TLL1: variants seen among roughly 807,000 people sequenced by gnomAD.
TLL1 encodes tolloid-like protein 1.
Under a neutral mutation model 128.2 loss-of-function variants are expected in TLL1, and 49 were observed. That is an observed-to-expected ratio of 0.38 (90% CI 0.30 to 0.48). The LOEUF is 0.48. TLL1 is among the 20% of genes least tolerant of loss of function. The pLI is 0.96. For missense variants in TLL1, 1,123 were observed against 1,242.0 expected, an observed-to-expected ratio of 0.90 and a Z score of 1.44; for synonymous variants, 454 against 418.8, an observed-to-expected ratio of 1.08 and a Z score of -1.03.
intron 1 of TLL1, among the ~76,000 whole-genome samples, chr4:165,979,713 A>G (rs1057392930): frequency 1.3e-5 from 2 of 152,084 alleles, no homozygotes; most frequent in Admixed American, 1.3e-4. Context: ...TCTTGAGCCC[A>G]AGGAATTTGA....
At chr4:165,940,107 A>G (rs1045667652) in intron 1 of TLL1, among the ~76,000 whole-genome samples, 9 of 151,944 alleles carry the variant, frequency 5.9e-5, no homozygotes, top group African/African-American at 2.2e-4. Flanking sequence ...TATCACATCT[A>G]GCATTGACCT....
At chr4:166,048,879 C>A (rs1393995053) in intron 12 of TLL1, among the ~76,000 whole-genome samples, 1 of 152,204 alleles carries the variant, frequency 6.6e-6, no homozygotes, top group African/African-American at 2.4e-5. Flanking sequence ...TACCGTTAAC[C>A]ACCACAGCTG....
intron 12 of TLL1, among the ~76,000 whole-genome samples, chr4:166,043,943 T>C (rs1269473654): frequency 6.6e-6 from 1 of 152,130 alleles, no homozygotes; most frequent in Non-Finnish European, 1.5e-5. Flanking sequence ...TGTTATTAGA[T>C]GACGGGTCAG....
Position 165,965,667 on chromosome 4 carries a change from G to A in TLL1, c.170-23714G>A, listed in dbSNP as rs567106285. On this transcript the variant is annotated intron_variant, in intron 1 of 20. Coordinates refer to ENST00000061240, the MANE Select transcript of TLL1 (RefSeq NM_012464.5). Reference sequence around the variant, plus strand: ...GGCACCTTCATGTCAGCATAGATACGTATTCCTGCAGTTTCCAATAACGTT... The same window carrying A: ...GGCACCTTCATGTCAGCATAGATACATATTCCTGCAGTTTCCAATAACGTT... Among the ~76,000 whole-genome samples, 8 of 152,292 alleles carry A rather than the reference G, an allele frequency of 5.3e-5. No homozygotes were observed. The South Asian group carries it at 6.2e-4, about 12-fold the overall frequency.
At chr4:165,925,111 C>T (rs1188810205) in intron 1 of TLL1, among the ~76,000 whole-genome samples, 1 of 152,216 alleles carries the variant, frequency 6.6e-6, no homozygotes, top group Non-Finnish European at 1.5e-5. Flanking sequence ...TTTCACACTG[C>T]TAACACAACA....
chr4:165,897,118 T>A (rs2110843633), intron 1 of TLL1, among the ~76,000 whole-genome samples: 1 of 152,328 alleles, frequency 6.6e-6, no homozygotes, highest in South Asian at 2.1e-4. Context: ...TTTAAGTTGC[T>A]TGTAGATTCT....
Position 165,992,837 on chromosome 4 carries a change from G to C in TLL1, c.314G>C (p.Arg105Pro). Residue 105 changes from arginine (R) to proline (P), a missense_variant, in exon 3 of 21, where the codon CGA (arginine) becomes CCA (proline). By Grantham distance (103) the Arg-to-Pro change is moderately radical. Transcript: ENST00000061240. ...GGAGACCATGCTATGTCAAAGAAGCGAGGGGCCCTCTACCAACTTATAGAC... is the reference window on the plus strand; with the variant it reads ...GGAGACCATGCTATGTCAAAGAAGCCAGGGGCCCTCTACCAACTTATAGAC... ...GLGDHAMSKK[R>P]GALYQLIDRI... The C allele has an allele frequency of 6.2e-7, 1 of 1,613,304 alleles. No individual in the cohort carries two copies. The highest frequency in any genetic ancestry group is 8.5e-7 in the Non-Finnish European group (1 of 1,179,448).
Position 166,025,381 on chromosome 4 carries a change from C to T in TLL1, c.1108C>T (p.Pro370Ser). ...CTCTCCAGGATTTCCCAATGGCTACCCTTCTTACACACACTGCATCTGGAG... is the reference window on the plus strand; with the variant it reads ...CTCTCCAGGATTTCCCAATGGCTACTCTTCTTACACACACTGCATCTGGAG... ...LSSPGFPNGY[P>S]SYTHCIWRVS... The change falls in exon 9 of 21, where the codon CCT becomes TCT. Residue 370 changes from proline to serine, a missense_variant. Pro to Ser is a moderately conservative substitution (Grantham distance 74). Around this residue, in one of 3 missense-constraint regions of TLL1, gnomAD observed 480 missense variants for 542.4 expected, o/e 0.89. Transcript: ENST00000061240. The T allele has an allele frequency of 5.6e-6, 9 of 1,613,950 alleles. No individual in the cohort carries two copies. The highest frequency in any genetic ancestry group is 7.6e-6 in the Non-Finnish European group (9 of 1,179,930).
intron 8 of TLL1, 117 bp from the exon 9 acceptor site, chr4:166,025,199 T>C (rs1043313141): frequency 1.2e-5 from 9 of 724,720 alleles, no homozygotes; most frequent in Admixed American, 9.3e-5. Flanking sequence ...ACGTCTTCTA[T>C]AAAAGACAAA....
intron 12 of TLL1, among the ~76,000 whole-genome samples, chr4:166,051,169 A>G (rs77312706): frequency 0.046 from 6,955 of 152,278 alleles, 206 homozygotes; most frequent in African/African-American, 0.067. Flanking sequence ...CAAGACATTG[A>G]GTTCAGCTCC....
intron 1 of TLL1, among the ~76,000 whole-genome samples, chr4:165,937,101 GACT>G (rs2110916481): frequency 6.6e-6 from 1 of 152,226 alleles, no homozygotes; most frequent in South Asian, 2.1e-4. Flanking sequence ...GAAAAGAATA[GACT>G]ATTATGTAAC....
At chr4:165,976,191 TA>T in intron 1 of TLL1, among the ~76,000 whole-genome samples, 1 of 152,168 alleles carries the variant, frequency 6.6e-6, no homozygotes, top group East Asian at 1.9e-4. Flanking sequence ...TTTCAGATGG[TA>T]AAAGTGACTT....
chr4:166,081,164 G>A (rs1247989033), intron 18 of TLL1, among the ~76,000 whole-genome samples: 1 of 152,042 alleles, frequency 6.6e-6, no homozygotes, highest in African/African-American at 2.4e-5. Flanking sequence ...AATATTACTG[G>A]CATTTGATCC....
At chr4:166,068,100 C>T (rs893125091) in intron 16 of TLL1, among the ~76,000 whole-genome samples, 3 of 151,714 alleles carry the variant, frequency 2.0e-5, no homozygotes, top group Admixed American at 6.6e-5. Context: ...ATTGAAAAGT[C>T]TTGGCTGTTT....
chr4:165,892,572 C>A (rs922269628), intron 1 of TLL1, among the ~76,000 whole-genome samples: 1 of 152,080 alleles, frequency 6.6e-6, no homozygotes, highest in Non-Finnish European at 1.5e-5. Flanking sequence ...AAGCATTGAT[C>A]CCTTTATGCC....
chr4:165,995,190 T>C lies in TLL1; in HGVS notation c.632+12T>C. 6.4e-7 allele frequency: 1 copy of C among 1,571,148 alleles called. No individual in the cohort carries two copies. Among genetic ancestry groups the C allele is most frequent in the South Asian group, 1.1e-5 (1 of 90,136 alleles). On this transcript the variant is annotated intron_variant, in intron 5 of 20. Coordinates refer to ENST00000061240, the MANE Select transcript of TLL1 (RefSeq NM_012464.5). Reference sequence around the variant, plus strand: ...TATAGGCCTTGTGGGTAAGTAGAACTAGGTAGGGACTGACTTAAGGAAAAA... The same window carrying C: ...TATAGGCCTTGTGGGTAAGTAGAACCAGGTAGGGACTGACTTAAGGAAAAA...
At chr4:165,982,165 A>G (rs568831408) in intron 1 of TLL1, among the ~76,000 whole-genome samples, 5 of 152,120 alleles carry the variant, frequency 3.3e-5, no homozygotes, top group Non-Finnish European at 7.4e-5. Flanking sequence ...AGTATTAATT[A>G]ATATCACTTA....
chr4:166,053,010 G>T (rs1739832375), intron 12 of TLL1, among the ~76,000 whole-genome samples: 2 of 109,114 alleles, frequency 1.8e-5, no homozygotes, highest in Admixed American at 8.9e-5. Flanking sequence ...GTCACCCCTG[G>T]TGACCAATTG....
chr4:166,030,327 A>G (rs1361616022), intron 9 of TLL1: 1 of 400,642 alleles, frequency 2.5e-6, no homozygotes, highest in Non-Finnish European at 4.4e-6. Context: ...TATTTATTCA[A>G]GTCTTTTGCC....
Sources: allele counts gnomAD v4.1 joint callset (sites outside exome capture counted in the v4.1 genomes callset), GRCh38; gene constraint gnomAD v4.1.1; regional missense constraint gnomAD v4.1.1; transcripts MANE v1.5; gene names NCBI Gene and HGNC (gene_info 2026-07-23, HGNC 2026-07-21).